The following HEMK2 variants were observed in gnomAD, a reference collection of about 807,000 sequenced individuals.
HEMK2 encodes methyltransferase HEMK2.
the HEMK2 span, among the ~76,000 whole-genome samples, chr21:28,816,268 TAACTACCAGGAA>T: frequency 6.6e-6 from 1 of 151,998 alleles, no homozygotes; most frequent in African/African-American, 2.4e-5. Context: ...ATGAGAATAT[TAACTACCAGGAA>T]AAACAAACTA....
the HEMK2 span, among the ~76,000 whole-genome samples, chr21:28,801,110 G>A: frequency 6.6e-5 from 10 of 152,334 alleles, no homozygotes; most frequent in South Asian, 2.1e-3. Context: ...TTGTGCCTCA[G>A]GCCAGCTTTG....
chr21:28,665,822 A>G, the HEMK2 span, among the ~76,000 whole-genome samples: 2 of 152,240 alleles, frequency 1.3e-5, no homozygotes, highest in African/African-American at 2.4e-5. Context: ...AATAGCAAAG[A>G]CTTGGAACCA....
chr21:28,709,150 C>T, the HEMK2 span, among the ~76,000 whole-genome samples: 1 of 152,162 alleles, frequency 6.6e-6, no homozygotes, highest in Admixed American at 6.5e-5. Flanking sequence ...GACCTAATCG[C>T]CACCCAAAGG....
chr21:28,746,142 TTATATG>T, the HEMK2 span, among the ~76,000 whole-genome samples: 2 of 152,232 alleles, frequency 1.3e-5, no homozygotes, highest in South Asian at 4.1e-4. Context: ...ACGTTTTGTT[TTATATG>T]TATAACAAAA....
chr21:28,868,984 TTTTC>T, the HEMK2 span, among the ~76,000 whole-genome samples: 1 of 152,182 alleles, frequency 6.6e-6, no homozygotes, highest in African/African-American at 2.4e-5. Flanking sequence ...TCATTTTTTT[TTTTC>T]TTTATTTTGC....
At chr21:28,815,025 A>C in the HEMK2 span, among the ~76,000 whole-genome samples, 1 of 152,188 alleles carries the variant, frequency 6.6e-6, no homozygotes, top group Non-Finnish European at 1.5e-5. Flanking sequence ...TGTGGCACAT[A>C]TACACCATGG....
the HEMK2 span, among the ~76,000 whole-genome samples, chr21:28,603,856 C>G: frequency 6.6e-6 from 1 of 152,158 alleles, no homozygotes; most frequent in Non-Finnish European, 1.5e-5. Flanking sequence ...CTTCAATTGT[C>G]TTTATGACAG....
the HEMK2 span, among the ~76,000 whole-genome samples, chr21:28,730,344 G>A: frequency 1.9e-4 from 29 of 151,526 alleles, no homozygotes; most frequent in Admixed American, 1.4e-3. Flanking sequence ...TCACACCACT[G>A]CACTCCAGCC....
chr21:28,710,748 A>T, the HEMK2 span, among the ~76,000 whole-genome samples: 1 of 152,226 alleles, frequency 6.6e-6, no homozygotes, highest in African/African-American at 2.4e-5. Context: ...TCTTTTCTTC[A>T]ATAGGAAAGA....
chr21:28,575,659 T>C, the HEMK2 span, among the ~76,000 whole-genome samples: 1 of 152,216 alleles, frequency 6.6e-6, no homozygotes, highest in Non-Finnish European at 1.5e-5. Context: ...CAGAGTTCTT[T>C]AGTATATAGT....
the HEMK2 span, among the ~76,000 whole-genome samples, chr21:28,598,424 G>A: frequency 5.3e-5 from 8 of 152,196 alleles, no homozygotes; most frequent in African/African-American, 1.4e-4. Context: ...AATAACCCTC[G>A]ATACCATGAT....
chr21:28,860,558 T>A, the HEMK2 span, among the ~76,000 whole-genome samples: 5 of 151,804 alleles, frequency 3.3e-5, no homozygotes, highest in African/African-American at 9.7e-5. Context: ...AAAGAAATTT[T>A]AAAAAATTAT....
the HEMK2 span, among the ~76,000 whole-genome samples, chr21:28,657,447 C>T: frequency 1.3e-5 from 2 of 151,854 alleles, no homozygotes; most frequent in Non-Finnish European, 1.5e-5. Context: ...AGATCTAACC[C>T]ATGAGTTTGT....
chr21:28,582,550 G>A, the HEMK2 span, among the ~76,000 whole-genome samples: 1 of 152,152 alleles, frequency 6.6e-6, no homozygotes, highest in Non-Finnish European at 1.5e-5. Flanking sequence ...GGGTCTGCCA[G>A]GGCTCTCAGT....
the HEMK2 span, among the ~76,000 whole-genome samples, chr21:28,636,468 C>T: frequency 6.6e-6 from 1 of 152,076 alleles, no homozygotes; most frequent in Admixed American, 6.6e-5. Flanking sequence ...CTTGGCTTTC[C>T]GTTGATCCAC....
At chr21:28,646,453 A>G in the HEMK2 span, among the ~76,000 whole-genome samples, 1 of 152,084 alleles carries the variant, frequency 6.6e-6, no homozygotes. Context: ...ACCTTGTCCT[A>G]CCTCCTTCAA....
At chr21:28,596,178 G>A in the HEMK2 span, among the ~76,000 whole-genome samples, 13 of 151,946 alleles carry the variant, frequency 8.6e-5, no homozygotes, top group African/African-American at 3.1e-4. Flanking sequence ...CACCACACCT[G>A]GCTAATTTTT....
the HEMK2 span, among the ~76,000 whole-genome samples, chr21:28,613,920 G>C: frequency 8.4e-6 from 1 of 118,504 alleles, no homozygotes; most frequent in African/African-American, 3.3e-5. Context: ...ACTTTCTTCA[G>C]GGAAAAAGAT....
At chr21:28,619,833 A>G in the HEMK2 span, among the ~76,000 whole-genome samples, 2 of 152,220 alleles carry the variant, frequency 1.3e-5, no homozygotes, top group African/African-American at 4.8e-5. Context: ...TCAATAGAAG[A>G]TTAAGGAACT....
Sources: gnomAD v4.1 joint callset for allele counts (sites outside exome capture counted in the v4.1 genomes callset) on GRCh38, gnomAD v4.1.1 for gene constraint, MANE v1.5 for transcripts, NCBI Gene and HGNC (gene_info 2026-07-23, HGNC 2026-07-21) for gene names.